The following USP43 variants were observed in gnomAD, a reference collection of about 807,000 sequenced individuals.
USP43 encodes the protein ubiquitin specific peptidase 43.
USP43 carries 33 observed loss-of-function variants against 90.7 expected under a neutral mutation model. The observed-to-expected ratio is 0.36, with a 90% CI of 0.28 to 0.49. USP43 has a LOEUF of 0.49. Among genes scored for constraint, USP43 ranks in the 20% least tolerant of loss-of-function variants. The pLI, the probability that USP43 is intolerant of heterozygous loss-of-function variation, is 0.98. For missense variants in USP43, 1,274 were observed against 1,476.4 expected, an observed-to-expected ratio of 0.86 and a Z score of 2.25; for synonymous variants, 598 against 615.8, an observed-to-expected ratio of 0.97 and a Z score of 0.43.
intron 5 of USP43, 74 bp from the exon 6 acceptor site, chr17:9,680,157 A>G: frequency 3.2e-6 from 5 of 1,544,292 alleles, no homozygotes; most frequent in East Asian, 2.3e-5. Flanking sequence ...GTTGACTATC[A>G]GTCACTTTTA....
intron 7 of USP43, 59 bp downstream of exon 7, chr17:9,683,017 G>A (rs1914395430): frequency 6.3e-7 from 1 of 1,584,158 alleles, no homozygotes; most frequent in Non-Finnish European, 8.6e-7. Context: ...CCTGTACTTG[G>A]GAGCCTGTCT....
chr17:9,678,020 A>G (rs1469112670), intron 5 of USP43, among the ~76,000 whole-genome samples: 2 of 152,176 alleles, frequency 1.3e-5, no homozygotes, highest in East Asian at 1.9e-4. Context: ...TGTAAACTTT[A>G]AAGTGCACTA....
At position 9,686,942 on chromosome 17, in the gene USP43, C is replaced by T. The variant is rs780409850; in HGVS notation, c.1353+33C>T. 191 of 1,516,976 alleles carry T rather than the reference C, an allele frequency of 1.3e-4. No individual in the cohort carries two copies. The highest frequency in any genetic ancestry group is 2.5e-4 in the African/African-American group (18 of 73,186). 94.0% of individuals were successfully genotyped at this position (1,516,976 alleles called of 1,614,324 possible). A position where few individuals can be genotyped will look rare whatever the true frequency, so the allele number is the denominator to read the frequency against. On this transcript the variant is annotated intron_variant, in intron 8 of 14. Transcript: ENST00000285199. The surrounding 1 kb of genome is among the most constrained non-coding windows in gnomAD (Gnocchi z 5.5). ...GTGTGCATGCGTGTGTGTGTGTGTG[C>T]GTGCATGCGCATGTGCATGCGTGTG... is the stretch of plus-strand genomic sequence containing the variant.
intron 2 of USP43, among the ~76,000 whole-genome samples, chr17:9,660,976 T>C (rs1912603752): frequency 6.6e-6 from 1 of 152,244 alleles, no homozygotes; most frequent in Non-Finnish European, 1.5e-5. Flanking sequence ...TCATTTTCCC[T>C]TTCCTAGAAG....
intron 2 of USP43, among the ~76,000 whole-genome samples, chr17:9,666,346 G>A (rs1020376169): frequency 2.6e-5 from 4 of 152,144 alleles, no homozygotes; most frequent in African/African-American, 4.8e-5. Flanking sequence ...CAGAAATAAC[G>A]CGCAGGGCCG....
chr17:9,654,977 A>G (rs1484207831), intron 1 of USP43, among the ~76,000 whole-genome samples: 1 of 151,002 alleles, frequency 6.6e-6, no homozygotes, highest in African/African-American at 2.4e-5. Context: ...ACTTAAAGTG[A>G]TCCATCCGCC....
At chr17:9,662,060 C>T (rs1912679266) in intron 2 of USP43, among the ~76,000 whole-genome samples, 1 of 152,138 alleles carries the variant, frequency 6.6e-6, no homozygotes, top group Admixed American at 6.5e-5. Context: ...CCATTCTCTT[C>T]CCTGGACAGC....
At chr17:9,717,158 CA>C (rs34421871) in intron 14 of USP43, among the ~76,000 whole-genome samples, 19,508 of 81,856 alleles carry the variant, frequency 0.24, 2,257 homozygotes, top group African/African-American at 0.48. Flanking sequence ...GACTCCCTCT[CA>C]AAAAAAAAAA....
intron 9 of USP43, 142 bp from the exon 10 acceptor site, chr17:9,700,030 A>G: frequency 1.3e-6 from 1 of 754,386 alleles, no homozygotes; most frequent in Non-Finnish European, 2.2e-6. Context: ...CTCCGAGGAT[A>G]GCTGACCTTG....
chr17:9,667,177 A>G (rs902981632), intron 3 of USP43, among the ~76,000 whole-genome samples: 1 of 152,124 alleles, frequency 6.6e-6, no homozygotes, highest in Non-Finnish European at 1.5e-5. Context: ...CCTGGGCAAC[A>G]TAGGGAGACC....
At position 9,728,741 on chromosome 17, in the gene USP43, A is replaced by G. The variant is rs776515585; in HGVS notation, c.3123A>G (p.Ser1041=). The G allele has an allele frequency of 3.1e-6, 5 of 1,601,130 alleles. No individual in the cohort carries two copies. In the East Asian group the frequency reaches 1.1e-4, roughly 36 times the overall value. The part of the protein sequence containing the change: ...SPAMDGQAPG[S]PPALRIPEGL... ...CCATGGACGGGCAGGCTCCAGGCTC[A>G]CCTCCTGCCCTCAGGATCCCAGAGG... Residue 1041 remains serine (S), a synonymous_variant, in exon 15 of 15, where the codon TCA becomes TCG. Coordinates refer to ENST00000285199, the MANE Select transcript of USP43 (RefSeq NM_153210.5). This position sits in a 1 kb window ranked among gnomAD's most constrained non-coding sequence, Gnocchi z 6.2.
chr17:9,673,092 G>A (rs1051680607), intron 3 of USP43, among the ~76,000 whole-genome samples: 2 of 152,222 alleles, frequency 1.3e-5, no homozygotes, highest in African/African-American at 4.8e-5. Context: ...TGTGTCCTCA[G>A]CGAAGTTAAT....
intron 14 of USP43, among the ~76,000 whole-genome samples, chr17:9,722,027 C>T (rs1011051062): frequency 2.4e-4 from 36 of 152,046 alleles, no homozygotes; most frequent in African/African-American, 8.2e-4. Context: ...TGAGCCACTG[C>T]GCCCAGCCTA....
intron 5 of USP43, 75 bp from the exon 6 acceptor site, chr17:9,680,156 C>T: frequency 1.3e-6 from 2 of 1,536,388 alleles, no homozygotes; most frequent in Non-Finnish European, 1.8e-6. Context: ...TGTTGACTAT[C>T]AGTCACTTTT....
At chr17:9,702,570 C>G (rs1306731490) in intron 12 of USP43, among the ~76,000 whole-genome samples, 1 of 152,140 alleles carries the variant, frequency 6.6e-6, no homozygotes, top group Non-Finnish European at 1.5e-5. Context: ...AAGGGAAGGG[C>G]ATAAACAAAT....
intron 1 of USP43, among the ~76,000 whole-genome samples, chr17:9,647,848 CA>C (rs35223665): frequency 0.29 from 23,884 of 82,222 alleles, 2,744 homozygotes; most frequent in East Asian, 0.46. Flanking sequence ...ACTAAAAATC[CA>C]AAAAAAAAAA....
chr17:9,649,016 A>G (rs1260855188), intron 1 of USP43, among the ~76,000 whole-genome samples: 1 of 145,930 alleles, frequency 6.9e-6, no homozygotes, highest in Non-Finnish European at 1.5e-5. Context: ...TTTAAGAGAG[A>G]GTGTCACTCT....
At chr17:9,693,681 C>A (rs569943333) in intron 9 of USP43, among the ~76,000 whole-genome samples, 2 of 151,944 alleles carry the variant, frequency 1.3e-5, no homozygotes, top group East Asian at 3.9e-4. Context: ...ACTAAAAATA[C>A]AAAAAAATTA....
At position 9,645,971 on chromosome 17, in the gene USP43, C is replaced by A; in HGVS notation, c.339C>A (p.Asn113Lys). The A allele has an allele frequency of 6.8e-7, 1 of 1,473,310 alleles. No homozygotes were observed. Among genetic ancestry groups the A allele is most frequent in the Non-Finnish European group, 9.0e-7 (1 of 1,116,038 alleles). 91.3% of individuals were successfully genotyped at this position (1,473,310 alleles called of 1,614,324 possible). A position where few individuals can be genotyped will look rare whatever the true frequency, so the allele number is the denominator to read the frequency against. ...LKNHGNTCFM[N>K]AVVQCLSNTD... Reference sequence around the variant, plus strand: ...ACCACGGCAACACCTGTTTCATGAACGCGGTGGTGCAGTGTCTCAGCAACA... The same window carrying A: ...ACCACGGCAACACCTGTTTCATGAAAGCGGTGGTGCAGTGTCTCAGCAACA... The change falls in exon 1 of 15, where the codon AAC becomes AAA. Residue 113 changes from asparagine to lysine, a missense_variant. Asn to Lys is a moderately conservative substitution (Grantham distance 94). Coordinates refer to ENST00000285199, the MANE Select transcript of USP43 (RefSeq NM_153210.5). This position sits in a 1 kb window ranked among gnomAD's most constrained non-coding sequence, Gnocchi z 6.8.
Sources: allele counts gnomAD v4.1 joint callset (sites outside exome capture counted in the v4.1 genomes callset), GRCh38; gene constraint gnomAD v4.1.1; non-coding constraint Gnocchi (gnomAD v3.1); transcripts MANE v1.5; gene names NCBI Gene and HGNC (gene_info 2026-07-23, HGNC 2026-07-21).